The following CDH13 variants were observed in gnomAD, a reference collection of about 807,000 sequenced individuals.
CDH13 encodes the protein cadherin 13.
Under a neutral mutation model 63.8 loss-of-function variants are expected in CDH13, and 24 were observed. That is an observed-to-expected ratio of 0.38 (90% confidence interval 0.27 to 0.53). The LOEUF (loss-of-function observed/expected upper bound fraction) is 0.53. Ranked by LOEUF, CDH13 falls within the 20% of genes least tolerant of loss-of-function variation. The probability of loss-of-function intolerance (pLI) is 0.85; values close to 1 mark genes in which losing one functional copy is unlikely to be tolerated. For synonymous variants in CDH13, 503 were observed against 355.3 expected, an observed-to-expected ratio of 1.42 and a Z score of -4.67; for missense variants, 1,049 against 903.1, an observed-to-expected ratio of 1.16 and a Z score of -2.07.
chr16:83,175,941 GC>G (rs1269315704), intron 4 of CDH13, among the ~76,000 whole-genome samples: 1 of 147,224 alleles, frequency 6.8e-6, no homozygotes, highest in Non-Finnish European at 1.5e-5. Flanking sequence ...CGATTCTCCT[GC>G]CTCAGCCTCC....
At chr16:83,159,138 A>AAATGGG (rs2037340195) in intron 4 of CDH13, among the ~76,000 whole-genome samples, 1 of 151,700 alleles carries the variant, frequency 6.6e-6, no homozygotes, top group Admixed American at 6.6e-5. Context: ...AAAAGTTCCC[A>AAATGGG]TTTGCCCACA....
intron 2 of CDH13, among the ~76,000 whole-genome samples, chr16:82,915,961 A>G (rs991813395): frequency 1.3e-5 from 2 of 151,738 alleles, no homozygotes; most frequent in African/African-American, 4.8e-5. Flanking sequence ...TTGTGCTTTA[A>G]AGGAGGTGTT....
chr16:82,640,909 T>C (rs1271869607), intron 1 of CDH13, among the ~76,000 whole-genome samples: 3 of 152,356 alleles, frequency 2.0e-5, no homozygotes, highest in African/African-American at 7.2e-5. Context: ...CAAAAGTATC[T>C]TGGGGTTAAA....
At chr16:83,595,990 C>A (rs553141266) in intron 7 of CDH13, among the ~76,000 whole-genome samples, 1 of 152,202 alleles carries the variant, frequency 6.6e-6, no homozygotes, top group Non-Finnish European at 1.5e-5. Context: ...TGCTTCTTCC[C>A]GGCAGAGCAG....
Position 83,460,505 on chromosome 16 carries a change from G to A in CDH13, c.782-25972G>A, listed in dbSNP as rs147203431. Among the ~76,000 whole-genome samples, 56 of 152,226 alleles carry A rather than the reference G, an allele frequency of 3.7e-4. No homozygotes were observed. In the East Asian group the frequency reaches 8.5e-3, roughly 23 times the overall value. On this transcript the variant is annotated intron_variant, in intron 6 of 13. Transcript: ENST00000567109. ...TTGATGGAAGCATAGCTCCGTACCC[G>A]GCAGTGTGTACGTCTGATGAACTGC...
chr16:83,072,746 T>C (rs1262743572), intron 3 of CDH13, among the ~76,000 whole-genome samples: 1 of 152,136 alleles, frequency 6.6e-6, no homozygotes, highest in Non-Finnish European at 1.5e-5. Flanking sequence ...TGGACCTCCC[T>C]AAAATTCCCC....
At chr16:82,813,815 A>AT (rs1401342219) in intron 1 of CDH13, among the ~76,000 whole-genome samples, 2 of 152,200 alleles carry the variant, frequency 1.3e-5, no homozygotes, top group African/African-American at 4.8e-5. Flanking sequence ...GAAAAGATAG[A>AT]TTTTGAAGTT....
chr16:82,862,255 G>T (rs1295462166), intron 2 of CDH13, among the ~76,000 whole-genome samples: 2 of 152,188 alleles, frequency 1.3e-5, no homozygotes, highest in South Asian at 4.1e-4. Flanking sequence ...CAGAACAGAA[G>T]ATCCCCAGTC....
At chr16:83,791,666 C>T (rs889133009) in intron 13 of CDH13, among the ~76,000 whole-genome samples, 3 of 151,802 alleles carry the variant, frequency 2.0e-5, no homozygotes, top group African/African-American at 7.3e-5. Context: ...CAAAAATTAG[C>T]TGGGTGTGGT....
chr16:83,039,930 C>G (rs1231216214), intron 3 of CDH13, among the ~76,000 whole-genome samples: 4 of 152,090 alleles, frequency 2.6e-5, no homozygotes, highest in Admixed American at 6.6e-5. Context: ...GAACAGCTCT[C>G]TGAATATCCC....
chr16:83,016,992 C>G (rs1280232596), intron 2 of CDH13, among the ~76,000 whole-genome samples: 1 of 152,130 alleles, frequency 6.6e-6, no homozygotes, highest in Non-Finnish European at 1.5e-5. Flanking sequence ...AGTGGAATAG[C>G]AGGTGTTGAT....
chr16:82,912,060 C>T (rs1392817556), intron 2 of CDH13, among the ~76,000 whole-genome samples: 1 of 152,062 alleles, frequency 6.6e-6, no homozygotes, highest in Non-Finnish European at 1.5e-5. Context: ...AATTCCACGG[C>T]CGCCCCTGCC....
chr16:82,919,072 T>C (rs1185077836), intron 2 of CDH13, among the ~76,000 whole-genome samples: 1 of 152,238 alleles, frequency 6.6e-6, no homozygotes, highest in African/African-American at 2.4e-5. Flanking sequence ...CTGTTTGGCT[T>C]TTTGTTTTAT....
At chr16:83,006,703 C>G (rs1045730797) in intron 2 of CDH13, among the ~76,000 whole-genome samples, 1 of 152,116 alleles carries the variant, frequency 6.6e-6, no homozygotes, top group Non-Finnish European at 1.5e-5. Context: ...GCCAGGAGCC[C>G]TTACTGATGT....
chr16:83,046,796 T>TG (rs2151496709), intron 3 of CDH13, among the ~76,000 whole-genome samples: 1 of 152,292 alleles, frequency 6.6e-6, no homozygotes, highest in Admixed American at 6.5e-5. Context: ...GCTCTGACCC[T>TG]GGTGCCACCC....
chr16:83,353,867 T>G (rs894542279), intron 6 of CDH13, among the ~76,000 whole-genome samples: 7 of 152,260 alleles, frequency 4.6e-5, no homozygotes, highest in Non-Finnish European at 7.3e-5. Flanking sequence ...TTAATAGCCC[T>G]GCCCACTAAT....
chr16:82,900,319 C>G (rs1159343757), intron 2 of CDH13, among the ~76,000 whole-genome samples: 1 of 152,142 alleles, frequency 6.6e-6, no homozygotes. Context: ...ACAGGCCAAG[C>G]CAAATAAACT....
chr16:83,220,792 T>C (rs908104751), intron 5 of CDH13, among the ~76,000 whole-genome samples: 1 of 152,296 alleles, frequency 6.6e-6, no homozygotes, highest in South Asian at 2.1e-4. Context: ...ATTAACGTTT[T>C]CCAAATCCAA....
chr16:82,990,029 C>A (rs140298682), intron 2 of CDH13: 1 of 151,996 alleles, frequency 6.6e-6, no homozygotes, highest in Admixed American at 6.6e-5. Flanking sequence ...TCAGGCAATT[C>A]TCTTATTTCA....
Sources: gnomAD v4.1 joint callset for allele counts (sites outside exome capture counted in the v4.1 genomes callset) on GRCh38, gnomAD v4.1.1 for gene constraint, MANE v1.5 for transcripts, NCBI Gene and HGNC (gene_info 2026-07-23, HGNC 2026-07-21) for gene names.